Variants in ZNF138 observed in about 807,000 individuals in gnomAD.
The protein encoded by ZNF138 is zinc finger protein 138 (clone pHZ-32).
Under a neutral mutation model 33.0 loss-of-function variants are expected in ZNF138, and 33 were observed. The ratio of observed to expected loss-of-function variants is 1.00; its 90% CI spans 0.76 to 1.34. The LOEUF is 1.34. Among genes scored for constraint, ZNF138 ranks in the 40% most tolerant of loss-of-function variants. The probability of loss-of-function intolerance (pLI) is 0.00; values close to 1 mark genes in which losing one functional copy is unlikely to be tolerated. For missense variants in ZNF138, 360 were observed against 370.8 expected, an observed-to-expected ratio of 0.97 and a Z score of 0.24; for synonymous variants, 139 against 120.4, an observed-to-expected ratio of 1.15 and a Z score of -1.01.
chr7:64,852,687 T>A, the ZNF138 span: 1 of 1,279,840 alleles, frequency 7.8e-7, no homozygotes, highest in Non-Finnish European at 1.1e-6. Flanking sequence ...ACCACTAGTT[T>A]AATATTATTC....
chr7:64,830,434 T>G (rs544266959), intron 3 of ZNF138, among the ~76,000 whole-genome samples: 2 of 152,252 alleles, frequency 1.3e-5, no homozygotes, highest in South Asian at 4.1e-4. Flanking sequence ...TAGTGGAGTA[T>G]TATTCAATTT....
chr7:64,824,625 G>A (rs1789422320), intron 3 of ZNF138, among the ~76,000 whole-genome samples: 3 of 151,886 alleles, frequency 2.0e-5, no homozygotes, highest in Admixed American at 6.6e-5. Context: ...TCTACATATT[G>A]GAGCCCTGAT....
At chr7:64,848,805 C>T in the ZNF138 span, among the ~76,000 whole-genome samples, 3 of 147,702 alleles carry the variant, frequency 2.0e-5, no homozygotes, top group Non-Finnish European at 3.0e-5. Context: ...CCCGGGTTCA[C>T]GCCATTCTCC....
At chr7:64,858,172 T>C in the ZNF138 span, among the ~76,000 whole-genome samples, 3 of 152,168 alleles carry the variant, frequency 2.0e-5, no homozygotes, top group South Asian at 2.1e-4. Context: ...TAAAATACAT[T>C]AGCTTTTCAT....
At chr7:64,820,991 T>A (rs897662653) in intron 3 of ZNF138, among the ~76,000 whole-genome samples, 2 of 150,788 alleles carry the variant, frequency 1.3e-5, no homozygotes, top group Admixed American at 6.6e-5. Flanking sequence ...TTGGTGTTTT[T>A]AAAAAAAATT....
At chr7:64,841,486 T>TA in the ZNF138 span, among the ~76,000 whole-genome samples, 2 of 133,876 alleles carry the variant, frequency 1.5e-5, no homozygotes, top group South Asian at 4.3e-4. Flanking sequence ...CTGCTAGAGT[T>TA]AGTTTGTAAG....
the ZNF138 span, among the ~76,000 whole-genome samples, chr7:64,848,821 C>T: frequency 6.6e-6 from 1 of 151,574 alleles, no homozygotes; most frequent in African/African-American, 2.4e-5. Context: ...TCTCCTGCCT[C>T]AGCCTCCTGA....
At chr7:64,831,187 G>T (rs1056819875) in intron 3 of ZNF138, 1 of 1,403,120 alleles carries the variant, frequency 7.1e-7, no homozygotes, top group Non-Finnish European at 9.6e-7. Flanking sequence ...TTGGGTAAAT[G>T]TAACAGACTT....
downstream of ZNF138, chr7:64,836,358 G>A (rs1790364853): frequency 6.6e-6 from 1 of 152,272 alleles, no homozygotes; most frequent in South Asian, 2.1e-4. Flanking sequence ...ACCACGAGAA[G>A]GGGGAGGACT....
In ZNF138 at chr7:64,807,068, C is replaced by T. The variant is rs569154539; in HGVS notation, c.4-7850C>T. ...CTTAAACCACAAACAATAGCATGAG[C>T]GATCTGTGACTTAAGGACATGCTCC... On this transcript the variant is annotated intron_variant, in intron 1 of 3. Transcript: ENST00000307355. Among the ~76,000 whole-genome samples the T allele has an allele frequency of 3.9e-4, 59 of 152,346 alleles. No homozygotes were observed. The East Asian group carries it at 5.6e-3, about 14-fold the overall frequency.
the ZNF138 span, among the ~76,000 whole-genome samples, chr7:64,843,486 C>A: frequency 1.3e-5 from 2 of 152,166 alleles, no homozygotes; most frequent in African/African-American, 4.8e-5. Context: ...AGGAGTAATT[C>A]TAACAGAAAT....
chr7:64,832,052 G>A lies in ZNF138; in HGVS notation c.810G>A (p.Lys270=). Residue 270 remains lysine, a synonymous_variant, in exon 4 of 4, where the codon AAG becomes AAA. Coordinates refer to ENST00000307355, the MANE Select transcript of ZNF138 (RefSeq NM_001271639.2). The part of the protein sequence containing the change: ...FKQSSHLTRH[K]IIHTEEKPYK... The stretch of plus-strand genomic sequence containing the variant: ...AGTCCTCACACCTTACTAGACATAA[G>A]ATAATTCATACTGAAGAGAAACCCT... 1 of 1,613,854 alleles carries A rather than the reference G, an allele frequency of 6.2e-7. No individual in the cohort carries two copies. The highest frequency in any genetic ancestry group is 8.5e-7 in the Non-Finnish European group (1 of 1,179,882).
At chr7:64,826,591 A>T (rs12671429) in intron 3 of ZNF138, among the ~76,000 whole-genome samples, 149,978 of 152,204 alleles carry the variant, frequency 0.99, 73,930 homozygotes, top group East Asian at 1. Context: ...TTAATTTTTT[A>T]AATGTGTGTA....
chr7:64,796,507 G>C (rs1786698057), intron 1 of ZNF138, among the ~76,000 whole-genome samples: 1 of 152,196 alleles, frequency 6.6e-6, no homozygotes, highest in African/African-American at 2.4e-5. Context: ...GGACTAAAAG[G>C]TAAGAGGATA....
the ZNF138 span, among the ~76,000 whole-genome samples, chr7:64,840,112 T>C: frequency 3.3e-5 from 5 of 152,106 alleles, no homozygotes; most frequent in African/African-American, 1.2e-4. Flanking sequence ...AGTCGGGGTA[T>C]CTGAGGTGGC....
chr7:64,795,701 C>T (rs866538713), intron 1 of ZNF138, among the ~76,000 whole-genome samples: 2,447 of 143,880 alleles, frequency 0.017, 63 homozygotes, highest in African/African-American at 0.058. Flanking sequence ...TTTTTTAAAT[C>T]TTCCCTAGGT....
chr7:64,813,411 G>A (rs1788337028), intron 1 of ZNF138, among the ~76,000 whole-genome samples: 1 of 148,386 alleles, frequency 6.7e-6, no homozygotes, highest in Non-Finnish European at 1.5e-5. Flanking sequence ...TGAATTACCT[G>A]TATCTTAAAG....
chr7:64,837,222 G>A (rs1790393875), downstream of ZNF138, among the ~76,000 whole-genome samples: 1 of 152,108 alleles, frequency 6.6e-6, no homozygotes, highest in Admixed American at 6.5e-5. Flanking sequence ...GGGAAATATG[G>A]TACCAGGAGG....
intron 1 of ZNF138, among the ~76,000 whole-genome samples, chr7:64,809,813 C>T (rs1211842840): frequency 7.8e-6 from 1 of 128,840 alleles, no homozygotes; most frequent in African/African-American, 3.0e-5. Flanking sequence ...TCCTCACATC[C>T]CAGACGGGGC....
Sources: gnomAD v4.1 joint callset for allele counts (sites outside exome capture counted in the v4.1 genomes callset) on GRCh38, gnomAD v4.1.1 for gene constraint, MANE v1.5 for transcripts, NCBI Gene and HGNC (gene_info 2026-07-23, HGNC 2026-07-21) for gene names.